The following NSMCE2 variants were observed in gnomAD, a reference collection of about 807,000 sequenced individuals.
NSMCE2 encodes the protein E3 SUMO-protein ligase NSE2.
Under a neutral mutation model 23.8 loss-of-function variants are expected in NSMCE2, and 24 were observed. That is an observed-to-expected ratio of 1.01 (90% CI 0.73 to 1.42). The LOEUF is 1.42. NSMCE2 is among the 40% of genes most tolerant of loss of function. NSMCE2 has a pLI of 0.00. For synonymous variants in NSMCE2, 92 were observed against 94.1 expected (o/e 0.98, Z 0.13); for missense variants, 284 against 296.5 (o/e 0.96, Z 0.31).
chr8:125,185,465 C>T (rs944663135), intron 5 of NSMCE2, among the ~76,000 whole-genome samples: 5 of 152,132 alleles, frequency 3.3e-5, no homozygotes, highest in Admixed American at 6.5e-5. Flanking sequence ...TGCCACCAAA[C>T]CCAGCTAATT....
intron 5 of NSMCE2, among the ~76,000 whole-genome samples, chr8:125,242,017 C>T (rs3955404): frequency 0.66 from 99,874 of 152,004 alleles, 35,018 homozygotes; most frequent in African/African-American, 0.91. Context: ...GAACTGCTTC[C>T]TTAATGCCCC....
chr8:125,132,291 A>G (rs2130569362), intron 3 of NSMCE2, among the ~76,000 whole-genome samples: 1 of 152,228 alleles, frequency 6.6e-6, no homozygotes, highest in South Asian at 2.1e-4. Flanking sequence ...TTGTACAGAC[A>G]GGGTCTCACT....
chr8:125,129,914 A>G (rs1421077228), intron 3 of NSMCE2, among the ~76,000 whole-genome samples: 1 of 152,166 alleles, frequency 6.6e-6, no homozygotes, highest in African/African-American at 2.4e-5. Context: ...TTATACTACC[A>G]TGGTACATTT....
At chr8:125,207,082 A>G (rs1030361046) in intron 5 of NSMCE2, among the ~76,000 whole-genome samples, 1 of 152,196 alleles carries the variant, frequency 6.6e-6, no homozygotes, top group Non-Finnish European at 1.5e-5. Flanking sequence ...CATACTTTTC[A>G]TATTCAAAAA....
intron 5 of NSMCE2, among the ~76,000 whole-genome samples, chr8:125,313,773 A>G (rs1304038199): frequency 2.0e-5 from 3 of 152,150 alleles, no homozygotes; most frequent in Admixed American, 2.0e-4. Context: ...GAAGGGAAGG[A>G]AAAAAAGAAA....
intron 5 of NSMCE2, among the ~76,000 whole-genome samples, chr8:125,286,628 A>G (rs1271391242): frequency 6.6e-6 from 1 of 152,108 alleles, no homozygotes; most frequent in African/African-American, 2.4e-5. Context: ...AACATCTTTT[A>G]TGTGCCATCA....
At chr8:125,218,382 G>C (rs370770152) in intron 5 of NSMCE2, among the ~76,000 whole-genome samples, 66 of 151,318 alleles carry the variant, frequency 4.4e-4, no homozygotes, top group South Asian at 3.6e-3. Flanking sequence ...CATGCATTTG[G>C]GATAAAAATA....
intron 4 of NSMCE2, among the ~76,000 whole-genome samples, chr8:125,173,972 C>T (rs74976307): frequency 0.041 from 6,168 of 152,158 alleles, 246 homozygotes; most frequent in Non-Finnish European, 0.051. Flanking sequence ...ACCACTCAGA[C>T]GAAAGGTGCT....
chr8:125,196,491 T>G (rs1037688042), intron 5 of NSMCE2, among the ~76,000 whole-genome samples: 1 of 152,166 alleles, frequency 6.6e-6, no homozygotes, highest in African/African-American at 2.4e-5. Context: ...CCAAGAATGA[T>G]GGTTTCCAGC....
At chr8:125,233,901 G>C (rs1183407424) in intron 5 of NSMCE2, among the ~76,000 whole-genome samples, 1 of 151,648 alleles carries the variant, frequency 6.6e-6, no homozygotes, top group Non-Finnish European at 1.5e-5. Context: ...CTCTGACCGG[G>C]CATGGTGGCT....
At chr8:125,102,195 G>A in intron 2 of NSMCE2, 49 bp downstream of exon 2, 1 of 698,240 alleles carries the variant, frequency 1.4e-6, no homozygotes, top group East Asian at 2.6e-5. Context: ...ATACAGAATA[G>A]TGTGGCATTT....
In NSMCE2 at chr8:125,212,041, C is replaced by A. The variant is rs1426401584; in HGVS notation, c.418+29785C>A. The stretch of plus-strand genomic sequence containing the variant: ...TTATGGATTGATTAGCCTAAGTGGG[C>A]AAAGTCCATCTGTCTCTATAATTTT... On this transcript the variant is annotated intron_variant, in intron 5 of 7. Transcript: ENST00000287437. Among the ~76,000 whole-genome samples the A allele has an allele frequency of 2.0e-5, 3 of 152,154 alleles. No individual in the cohort carries two copies. The East Asian group carries it at 5.8e-4, about 29-fold the overall frequency.
At chr8:125,155,391 A>G (rs1175158851) in intron 4 of NSMCE2, among the ~76,000 whole-genome samples, 4 of 152,194 alleles carry the variant, frequency 2.6e-5, no homozygotes, top group African/African-American at 4.8e-5. Context: ...GCCTTAATCA[A>G]TCCAAAGACT....
chr8:125,343,656 T>A (rs1304890335), intron 5 of NSMCE2, among the ~76,000 whole-genome samples: 2 of 151,012 alleles, frequency 1.3e-5, no homozygotes, highest in Admixed American at 1.3e-4. Flanking sequence ...AAAAAAAAAA[T>A]TAAAGTATGA....
chr8:125,178,135 A>G (rs944386391), intron 4 of NSMCE2, among the ~76,000 whole-genome samples: 2 of 152,160 alleles, frequency 1.3e-5, no homozygotes, highest in Non-Finnish European at 2.9e-5. Flanking sequence ...GGCATTAACA[A>G]TAGTAATCAT....
chr8:125,179,795 C>CTCCCTAG (rs1822708113), intron 4 of NSMCE2, among the ~76,000 whole-genome samples: 1 of 152,200 alleles, frequency 6.6e-6, no homozygotes, highest in African/African-American at 2.4e-5. Context: ...ACTGCCCCCA[C>CTCCCTAG]TCAGTCTTCA....
chr8:125,113,891 T>A (rs756412642), intron 3 of NSMCE2, among the ~76,000 whole-genome samples: 18 of 152,146 alleles, frequency 1.2e-4, no homozygotes, highest in Non-Finnish European at 1.5e-5. Flanking sequence ...GTTCTAGGAT[T>A]GGGTAGAGGG....
chr8:125,098,270 C>T (rs1039356581), intron 1 of NSMCE2, among the ~76,000 whole-genome samples: 4 of 152,106 alleles, frequency 2.6e-5, no homozygotes, highest in African/African-American at 9.7e-5. Context: ...ACATAGAGGA[C>T]TTGTTAAAAC....
At chr8:125,155,815 T>C (rs1490109740) in intron 4 of NSMCE2, among the ~76,000 whole-genome samples, 2 of 152,198 alleles carry the variant, frequency 1.3e-5, no homozygotes, top group South Asian at 2.1e-4. Flanking sequence ...TTTAGGTATG[T>C]GCTTTTTCAG....
Sources: gnomAD v4.1 joint callset for allele counts (sites outside exome capture counted in the v4.1 genomes callset) on GRCh38, gnomAD v4.1.1 for gene constraint, MANE v1.5 for transcripts, NCBI Gene and HGNC (gene_info 2026-07-23, HGNC 2026-07-21) for gene names.